SNAPC3: variants seen among roughly 807,000 people sequenced by gnomAD.
The protein encoded by SNAPC3 is snRNA-activating protein complex subunit 3.
A neutral mutation model predicts 47.7 loss-of-function variants in SNAPC3; 56 were observed. The observed-to-expected ratio is 1.18, with a 90% CI of 0.95 to 1.47. The LOEUF is 1.47. Among genes scored for constraint, SNAPC3 ranks in the 40% most tolerant of loss-of-function variants. The pLI is 0.00. For synonymous variants in SNAPC3, 235 were observed against 189.9 expected (o/e 1.24, Z -1.95); for missense variants, 665 against 511.3 (o/e 1.30, Z -2.90).
At chr9:15,432,930 T>G (rs1325339516) in intron 2 of SNAPC3, among the ~76,000 whole-genome samples, 1 of 152,170 alleles carries the variant, frequency 6.6e-6, no homozygotes, top group Non-Finnish European at 1.5e-5. Context: ...TTTACCAAGT[T>G]CATAGAAAAT....
intron 7 of SNAPC3, among the ~76,000 whole-genome samples, chr9:15,456,168 CA>C (rs2034776452): frequency 6.6e-6 from 1 of 151,838 alleles, no homozygotes; most frequent in African/African-American, 2.4e-5. Flanking sequence ...GCCACCATGC[CA>C]GGCCTAATTT....
intron 3 of SNAPC3, among the ~76,000 whole-genome samples, chr9:15,439,569 C>G (rs2033135287): frequency 6.6e-6 from 1 of 152,128 alleles, no homozygotes; most frequent in African/African-American, 2.4e-5. Context: ...GAGTCTCACT[C>G]TGTCACCCAG....
intron 6 of SNAPC3, among the ~76,000 whole-genome samples, chr9:15,452,787 T>A (rs2034489317): frequency 6.6e-6 from 1 of 152,216 alleles, no homozygotes; most frequent in Non-Finnish European, 1.5e-5. Flanking sequence ...ACACAATGAG[T>A]GGCATTGTTA....
At chr9:15,440,971 G>T (rs2033292913) in intron 3 of SNAPC3, among the ~76,000 whole-genome samples, 1 of 146,936 alleles carries the variant, frequency 6.8e-6, no homozygotes, top group South Asian at 2.1e-4. Flanking sequence ...AAAAAAATTG[G>T]TCAGTCAGTC....
In SNAPC3 at chr9:15,444,613, C is replaced by A. The variant is rs1351126388; in HGVS notation, c.489C>A (p.Ala163=). ...ETFVYEMESH[A]IGKKPENSAD... is the part of the protein sequence containing the mutation. ...TTTTCTTTCTTCAGGAGTCACATGCCATAGGAAAAAAGCCTGAAAATTCAG... is the reference window on the plus strand; with the variant it reads ...TTTTCTTTCTTCAGGAGTCACATGCAATAGGAAAAAAGCCTGAAAATTCAG... The change falls in exon 4 of 9, where the codon GCC becomes GCA. Residue 163 remains alanine (A), a synonymous_variant. Transcript: ENST00000380821. The A allele has an allele frequency of 1.9e-6, 3 of 1,607,068 alleles. No homozygotes were observed. Among genetic ancestry groups the A allele is most frequent in the Admixed American group, 3.3e-5 (2 of 59,870 alleles).
intron 2 of SNAPC3, among the ~76,000 whole-genome samples, chr9:15,426,635 C>CT: frequency 1.3e-5 from 2 of 152,226 alleles, no homozygotes; most frequent in South Asian, 4.2e-4. Context: ...AAAGCAGACT[C>CT]TTTTTTGCTA....
chr9:15,461,803 C>T (rs965060859), downstream of SNAPC3: 9 of 152,286 alleles, frequency 5.9e-5, no homozygotes, highest in African/African-American at 2.2e-4. Context: ...GCACGAGTTT[C>T]TGGTATGTCT....
At chr9:15,445,124 G>A (rs546817814) in intron 4 of SNAPC3, among the ~76,000 whole-genome samples, 2 of 152,248 alleles carry the variant, frequency 1.3e-5, no homozygotes, top group Non-Finnish European at 1.5e-5. Flanking sequence ...CCTATCTGAT[G>A]TCTTATTTTT....
intron 2 of SNAPC3, among the ~76,000 whole-genome samples, chr9:15,426,703 A>G (rs2031446276): frequency 6.6e-6 from 1 of 152,218 alleles, no homozygotes; most frequent in Admixed American, 6.5e-5. Flanking sequence ...TTAAATAGTA[A>G]TTTTAAGACT....
intron 7 of SNAPC3, 178 bp downstream of exon 7, chr9:15,453,383 T>C (rs1448366655): frequency 1.9e-6 from 1 of 525,870 alleles, no homozygotes; most frequent in Non-Finnish European, 3.3e-6. Flanking sequence ...TTCCATCCAT[T>C]TGCATCCTCT....
chr9:15,452,294 C>G (rs1156418466), intron 6 of SNAPC3, among the ~76,000 whole-genome samples: 1 of 150,388 alleles, frequency 6.6e-6, no homozygotes, highest in East Asian at 2.0e-4. Context: ...GTATTCTAAC[C>G]CAACAGTTCA....
At chr9:15,440,848 C>T (rs2131842154) in intron 3 of SNAPC3, among the ~76,000 whole-genome samples, 1 of 151,176 alleles carries the variant, frequency 6.6e-6, no homozygotes, top group Non-Finnish European at 1.5e-5. Context: ...ACTTGGGAGG[C>T]TGAGGCAGGA....
intron 5 of SNAPC3, among the ~76,000 whole-genome samples, chr9:15,447,517 G>GTTT (rs60318769): frequency 6.7e-6 from 1 of 150,254 alleles, no homozygotes. Flanking sequence ...TTTCTTTTTT[G>GTTT]TTTTTTTTTG....
intron 3 of SNAPC3, among the ~76,000 whole-genome samples, chr9:15,439,614 A>G (rs2033140884): frequency 6.6e-6 from 1 of 152,010 alleles, no homozygotes; most frequent in Non-Finnish European, 1.5e-5. Context: ...GGCTCACTGT[A>G]ATTTCTGCCT....
In SNAPC3 at chr9:15,447,157, G is replaced by A; in HGVS notation, c.645G>A (p.Leu215=). ...LVLGSQKLTQ[L]RDSIRCVSDL... is the part of the protein sequence containing the mutation. ...TGGGCAGTCAAAAACTCACACAACT[G>A]AGGGATTCAATTCGATGTGTCAGTG... Residue 215 remains leucine, a synonymous_variant, in exon 5 of 9, where the codon CTG becomes CTA. Coordinates refer to ENST00000380821, the MANE Select transcript of SNAPC3 (RefSeq NM_001039697.2). 6.2e-7 allele frequency: 1 copy of A among 1,613,896 alleles called. No individual in the cohort carries two copies. The highest frequency in any genetic ancestry group is 8.5e-7 in the Non-Finnish European group (1 of 1,179,784).
chr9:15,424,538 GAC>G (rs973239589), intron 2 of SNAPC3, among the ~76,000 whole-genome samples: 1 of 150,968 alleles, frequency 6.6e-6, no homozygotes, highest in Non-Finnish European at 1.5e-5. Context: ...AATTAAAAAA[GAC>G]AAACACAATA....
Position 15,451,386 on chromosome 9 carries a change from T to C in SNAPC3, c.799T>C (p.Cys267Arg). ...TTATAATGATAAAAGATACCCAGAA[T>C]GCAGAGATTTGAGCAGGTATAGTTT... ...TFYNDKRYPE[C>R]RDLSRTIIEW... The change falls in exon 6 of 9, where the codon TGC (cysteine) becomes CGC (arginine). Residue 267 changes from cysteine to arginine, a missense_variant. Coordinates refer to ENST00000380821, the MANE Select transcript of SNAPC3 (RefSeq NM_001039697.2). The C allele has an allele frequency of 6.5e-7, 1 of 1,538,026 alleles. No homozygotes were observed. Among genetic ancestry groups the C allele is most frequent in the Middle Eastern group, 1.7e-4 (1 of 5,872 alleles).
chr9:15,442,807 G>A (rs556042559), intron 3 of SNAPC3, among the ~76,000 whole-genome samples: 5 of 152,318 alleles, frequency 3.3e-5, no homozygotes, highest in African/African-American at 1.2e-4. Flanking sequence ...CACTTTGGGA[G>A]GCCAAGGCAG....
intron 5 of SNAPC3, among the ~76,000 whole-genome samples, chr9:15,451,007 G>A (rs974325547): frequency 6.6e-6 from 1 of 152,098 alleles, no homozygotes; most frequent in Admixed American, 6.5e-5. Flanking sequence ...TTACTACTGG[G>A]GAAACATTAA....
Sources: allele counts gnomAD v4.1 joint callset (sites outside exome capture counted in the v4.1 genomes callset), GRCh38; gene constraint gnomAD v4.1.1; transcripts MANE v1.5; gene names NCBI Gene and HGNC (gene_info 2026-07-23, HGNC 2026-07-21).